Variants in PRR36 observed in about 807,000 individuals in gnomAD.
PRR36 encodes proline rich 36.
In PRR36, 30 loss-of-function variants were observed where a neutral mutation model predicts 58.6. The ratio of observed to expected loss-of-function variants is 0.51; its 90% confidence interval spans 0.38 to 0.69. The LOEUF is 0.69. Among genes scored for constraint, PRR36 ranks in the 30% least tolerant of loss-of-function variants. The probability of loss-of-function intolerance (pLI) is 0.00; values close to 1 mark genes in which losing one functional copy is unlikely to be tolerated. For synonymous variants in PRR36, 771 were observed against 829.3 expected (o/e 0.93, Z 1.21); for missense variants, 1,692 against 1,805.6 (o/e 0.94, Z 1.14).
Position 7,871,405 on chromosome 19 carries a change from G to A in PRR36, c.1839C>T (p.Ala613=), listed in dbSNP as rs1380397420. 3.9e-6 allele frequency: 6 copies of A among 1,535,602 alleles called. No homozygotes were observed. The highest frequency in any genetic ancestry group is 5.2e-6 in the Non-Finnish European group (6 of 1,146,814). The change falls in exon 5 of 6, where the codon GCC becomes GCT. Residue 613 remains alanine (A), a synonymous_variant. Coordinates refer to ENST00000618550, the MANE Select transcript of PRR36 (RefSeq NM_001190467.2). Reference sequence around the variant, plus strand: ...GAGTGGGTGAGCCCAAAGAAGTTGTGGCCTGCAGAGAGGACAAAGCCAGAG... The same window carrying A: ...GAGTGGGTGAGCCCAAAGAAGTTGTAGCCTGCAGAGAGGACAAAGCCAGAG... ...PSPLALSSLQ[A]TTSLGSPTLQ... is the part of the protein sequence containing the mutation.
Position 7,869,032 on chromosome 19 carries a change from C to A in PRR36, c.*1G>T. Reference sequence around the variant, plus strand: ...TGTAGCAGGCGGGGCTGTGGTCTGGCTCAGTGGAAGGTCTCCACCTCCACC... The same window carrying A: ...TGTAGCAGGCGGGGCTGTGGTCTGGATCAGTGGAAGGTCTCCACCTCCACC... On this transcript the variant is annotated 3_prime_UTR_variant, in exon 6 of 6. Coordinates refer to ENST00000618550, the MANE Select transcript of PRR36 (RefSeq NM_001190467.2). 6.6e-7 allele frequency: 1 copy of A among 1,513,086 alleles called. No individual in the cohort carries two copies. Among genetic ancestry groups the A allele is most frequent in the South Asian group, 1.2e-5 (1 of 81,384 alleles). The allele number at this position is 1,513,086 out of a possible 1,614,324, so 93.7% of individuals were successfully genotyped here.
rs1599586768 is a variant in PRR36 at position 7,869,051 on chromosome 19, C to T, written c.4023G>A (p.Glu1341=). The change falls in exon 6 of 6, where the codon GAG becomes GAA. Residue 1341 remains glutamate, a synonymous_variant. Transcript: ENST00000618550. ...GTCTGGCTCAGTGGAAGGTCTCCAC[C>T]TCCACCACGGTCCAGTCACCCTGCG... The part of the protein sequence containing the change: ...ASPQGDWTVV[E]VETFH The T allele has an allele frequency of 6.5e-7, 1 of 1,530,724 alleles. No individual in the cohort carries two copies. The highest frequency in any genetic ancestry group is 8.7e-7 in the Non-Finnish European group (1 of 1,144,514). 94.8% of individuals were successfully genotyped at this position (1,530,724 alleles called of 1,614,324 possible). A position where few individuals can be genotyped will look rare whatever the true frequency, so the allele number is the denominator to read the frequency against.
In PRR36 at chr19:7,872,608, G is replaced by A. The variant is rs1014973780; in HGVS notation, c.636C>T (p.Ala212=). The change falls in exon 5 of 6, where the codon GCC becomes GCT. Residue 212 remains alanine (A), a synonymous_variant. Transcript: ENST00000618550. The surrounding 1 kb of genome is among the most constrained non-coding windows in gnomAD (Gnocchi z 6.1). ...TEGPRKSVSS[A]SEHSTTEPSP... is the part of the protein sequence containing the mutation. ...TTGGCTCGGTGGTACTGTGCTCCGAGGCGCTGCTCACTGATTTCCGGGGGC... is the reference window on the plus strand; with the variant it reads ...TTGGCTCGGTGGTACTGTGCTCCGAAGCGCTGCTCACTGATTTCCGGGGGC... 53 of 1,507,682 alleles carry A rather than the reference G, an allele frequency of 3.5e-5. No individual in the cohort carries two copies. In the African/African-American group the frequency reaches 6.4e-4, roughly 18 times the overall value. The allele number at this position is 1,507,682 out of a possible 1,614,324, so 93.4% of individuals were successfully genotyped here.
At position 7,870,035 on chromosome 19, in the gene PRR36, G is replaced by C; in HGVS notation, c.3209C>G (p.Ala1070Gly). ...GCGTGGGGCCTGCAGGGTGGGTGAG[G>C]CAGGGGGAGAGGGAGGGACCTGCAG... ...PLLQVPPSPP[A>G]SPTLQAPRRP... is the part of the protein sequence containing the mutation. The change falls in exon 5 of 6, where the codon GCC becomes GGC. Residue 1070 changes from alanine to glycine, a missense_variant. By Grantham distance (60) the Ala-to-Gly change is moderately conservative. Transcript: ENST00000618550. 1 of 1,455,312 alleles carries C rather than the reference G, an allele frequency of 6.9e-7. No individual in the cohort carries two copies. Among genetic ancestry groups the C allele is most frequent in the East Asian group, 2.7e-5 (1 of 36,560 alleles). The allele number at this position is 1,455,312 out of a possible 1,614,324, so 90.1% of individuals were successfully genotyped here.
rs915400643 is a variant in PRR36, at chr19:7,872,711, C to T, written c.533G>A (p.Arg178His). 1.7e-5 allele frequency: 24 copies of T among 1,445,018 alleles called. No homozygotes were observed. In the African/African-American group the frequency reaches 3.3e-4, roughly 20 times the overall value. The allele number at this position is 1,445,018 out of a possible 1,614,324, so 89.5% of individuals were successfully genotyped here. A position where few individuals can be genotyped will look rare whatever the true frequency, so the allele number is the denominator to read the frequency against. The change falls in exon 5 of 6, where the codon CGT becomes CAT. Residue 178 changes from arginine (R) to histidine (H), a missense_variant. Coordinates refer to ENST00000618550, the MANE Select transcript of PRR36 (RefSeq NM_001190467.2). The surrounding 1 kb of genome is among the most constrained non-coding windows in gnomAD (Gnocchi z 6.1). ...CTCGGTGCCCGCAGCCCGGGACCGA[C>T]GGGCCATGGCCGGGGACGGGGTTCC... is the stretch of plus-strand genomic sequence containing the variant. ...TPGTPSPAMA[R>H]RSRAAGTEVG...
chr19:7,873,306 G>A lies in PRR36; in HGVS notation c.272-7C>T, dbSNP rs1980551297. 6.5e-7 allele frequency: 1 copy of A among 1,531,410 alleles called. No homozygotes were observed. Among genetic ancestry groups the A allele is most frequent in the South Asian group, 1.2e-5 (1 of 83,512 alleles). 94.9% of individuals were successfully genotyped at this position (1,531,410 alleles called of 1,614,324 possible). On this transcript the variant is annotated splice_region_variant and splice_polypyrimidine_tract_variant and intron_variant, in intron 2 of 5. Coordinates refer to ENST00000618550, the MANE Select transcript of PRR36 (RefSeq NM_001190467.2). This position sits in a 1 kb window ranked among gnomAD's most constrained non-coding sequence, Gnocchi z 5.0. Reference sequence around the variant, plus strand: ...GAGGCTGGGGGCCTGGAGGCTGCGGGGAGAAGGCCGAGTCACAGGTGCCCC... The same window carrying A: ...GAGGCTGGGGGCCTGGAGGCTGCGGAGAGAAGGCCGAGTCACAGGTGCCCC...
Position 7,872,627 on chromosome 19 carries a change from CG to C in PRR36, c.616del (p.Arg206GlyfsTer4). 4 of 1,491,494 alleles carry C rather than the reference CG, an allele frequency of 2.7e-6. No homozygotes were observed. Among genetic ancestry groups the C allele is most frequent in the Non-Finnish European group, 3.6e-6 (4 of 1,126,640 alleles). 92.4% of individuals were successfully genotyped at this position (1,491,494 alleles called of 1,614,324 possible). On this transcript the variant is annotated frameshift_variant, in exon 5 of 6. Transcript: ENST00000618550. LOFTEE classifies it high-confidence loss of function. The surrounding 1 kb of genome is among the most constrained non-coding windows in gnomAD (Gnocchi z 6.1). ...CTCCGAGGCGCTGCTCACTGATTTC[CG>C]GGGGCCCTCTGTCGGGGGCCGTGGC... Reference protein sequence around the residue: ...ARPRPPTEGPRKSVSSASEHS... With the variant: ...ARPRPPTEGPXKSVSSASEHS...
At position 7,872,015 on chromosome 19, in the gene PRR36, C is replaced by T; in HGVS notation, c.1229G>A (p.Gly410Asp). The change falls in exon 5 of 6, where the codon GGC (glycine) becomes GAC (aspartate). Residue 410 changes from glycine (G) to aspartate (D), a missense_variant. Transcript: ENST00000618550. This position sits in a 1 kb window ranked among gnomAD's most constrained non-coding sequence, Gnocchi z 6.1. ...AGCGGCTGTGGCCAGGGAAGAGACGCCTGCTTCTGGAAAGGACATAATCAG... is the reference window on the plus strand; with the variant it reads ...AGCGGCTGTGGCCAGGGAAGAGACGTCTGCTTCTGGAAAGGACATAATCAG... Reference protein sequence around the residue: ...TQLIMSFPEAGVSSLATAAFV... With the variant: ...TQLIMSFPEADVSSLATAAFV... 3 of 1,535,088 alleles carry T rather than the reference C, an allele frequency of 2.0e-6. No homozygotes were observed. The highest frequency in any genetic ancestry group is 2.6e-6 in the Non-Finnish European group (3 of 1,146,690).
chr19:7,869,581 T>A (rs1467075200), intron 5 of PRR36, 37 bp from the exon 6 acceptor site: 1 of 1,508,420 alleles, frequency 6.6e-7, no homozygotes, highest in African/African-American at 1.4e-5. Flanking sequence ...GTGGGGGTGA[T>A]AAGCCCCGCC....
chr19:7,869,342 C>T lies in PRR36; in HGVS notation c.3732G>A (p.Leu1244=). 2 of 1,427,376 alleles carry T rather than the reference C, an allele frequency of 1.4e-6. No homozygotes were observed. Among genetic ancestry groups the T allele is most frequent in the Non-Finnish European group, 9.1e-7 (1 of 1,099,552 alleles). The allele number at this position is 1,427,376 out of a possible 1,614,324, so 88.4% of individuals were successfully genotyped here. Residue 1244 remains leucine (L), a synonymous_variant, in exon 6 of 6, where the codon CTG becomes CTA. Coordinates refer to ENST00000618550, the MANE Select transcript of PRR36 (RefSeq NM_001190467.2). ...GCAGCGCCCCCAGTGGCAGCTCGCCCAGGCGCGCCTGCTTCGGGCTCCGCG... is the reference window on the plus strand; with the variant it reads ...GCAGCGCCCCCAGTGGCAGCTCGCCTAGGCGCGCCTGCTTCGGGCTCCGCG... ...ASSRSPKQAR[L]GELPLGALQA... is the part of the protein sequence containing the mutation.
chr19:7,871,488 G>C lies in PRR36; in HGVS notation c.1756C>G (p.Pro586Ala). The C allele has an allele frequency of 6.5e-7, 1 of 1,535,584 alleles. No homozygotes were observed. The highest frequency in any genetic ancestry group is 8.7e-7 in the Non-Finnish European group (1 of 1,146,718). ...AGAGAATGTGGGACCTGTATTGGGG[G>C]AATGGTCTGGAGAGAGGGCGGGGCC... The part of the protein sequence containing the change: ...MQAPPSLQTI[P>A]PIQVPHSLTS... The change falls in exon 5 of 6, where the codon CCC becomes GCC. Residue 586 changes from proline (P) to alanine (A), a missense_variant. Coordinates refer to ENST00000618550, the MANE Select transcript of PRR36 (RefSeq NM_001190467.2).
rs1457892680 is a variant in PRR36 at position 7,872,932 on chromosome 19, C to T, written c.404G>A (p.Arg135Gln). The T allele has an allele frequency of 2.0e-6, 3 of 1,535,938 alleles. No homozygotes were observed. The highest frequency in any genetic ancestry group is 1.4e-5 in the African/African-American group (1 of 73,046). ...RPGPLGQKGL[R>Q]ISAEETVARG... ...GGCCACAGTTTCCTCCGCTGAGATC[C>T]GGAGTCCCTTCTGGCCAAGAGGGCC... The change falls in exon 4 of 6, where the codon CGG (arginine) becomes CAG (glutamine). Residue 135 changes from arginine (R) to glutamine (Q), a missense_variant. Arg to Gln is a conservative substitution (Grantham distance 43). This residue lies in a region of PRR36 where 975 missense variants were observed against 955.2 expected (regional missense o/e 1.02). Coordinates refer to ENST00000618550, the MANE Select transcript of PRR36 (RefSeq NM_001190467.2). The surrounding 1 kb of genome is among the most constrained non-coding windows in gnomAD (Gnocchi z 6.1).
chr19:7,873,469 G>A lies in PRR36; in HGVS notation c.221C>T (p.Ala74Val). 6.5e-7 allele frequency: 1 copy of A among 1,535,170 alleles called. No individual in the cohort carries two copies. Among genetic ancestry groups the A allele is most frequent in the Non-Finnish European group, 8.7e-7 (1 of 1,146,668 alleles). ...ACTCCGCGTTGGTCCCGCTCGGGGA[G>A]CAGACTCGGGAATAGTGGCCCCGCC... ...GIGGATIPES[A>V]PRAGPTRSAG... Residue 74 changes from alanine to valine, a missense_variant, in exon 2 of 6, where the codon GCT becomes GTT. Coordinates refer to ENST00000618550, the MANE Select transcript of PRR36 (RefSeq NM_001190467.2). This position sits in a 1 kb window ranked among gnomAD's most constrained non-coding sequence, Gnocchi z 5.0.
Position 7,872,107 on chromosome 19 carries a change from A to G in PRR36, c.1137T>C (p.Ala379=). 6.5e-7 allele frequency: 1 copy of G among 1,527,386 alleles called. No individual in the cohort carries two copies. The allele number at this position is 1,527,386 out of a possible 1,614,324, so 94.6% of individuals were successfully genotyped here. ...PLPLAPPSPS[A]PPSLQTLPSP... ...AGGGGAGGGTCTGCAGAGAAGGTGG[A>G]GCAGAGGGAGAAGGAGGGGCTAGAG... Residue 379 remains alanine (A), a synonymous_variant, in exon 5 of 6, where the codon GCT becomes GCC. Transcript: ENST00000618550. The surrounding 1 kb of genome is among the most constrained non-coding windows in gnomAD (Gnocchi z 6.1).
chr19:7,874,086 C>A lies in PRR36; in HGVS notation c.-8+200G>T, dbSNP rs1363685418. Reference sequence around the variant, plus strand: ...ATGTCGCATCCCTCCAGACCCGGAGCGCACGCCCGGGTCTCCCCGCCAGCC... The same window carrying A: ...ATGTCGCATCCCTCCAGACCCGGAGAGCACGCCCGGGTCTCCCCGCCAGCC... On this transcript the variant is annotated intron_variant, in intron 1 of 5. Coordinates refer to ENST00000618550, the MANE Select transcript of PRR36 (RefSeq NM_001190467.2). The surrounding 1 kb of genome is among the most constrained non-coding windows in gnomAD (Gnocchi z 6.0). 4.6e-5 allele frequency among the ~76,000 whole-genome samples: 7 copies of A among 152,116 alleles called. No homozygotes were observed. Among genetic ancestry groups the A allele is most frequent in the Non-Finnish European group, 4.4e-5 (3 of 67,994 alleles).
In PRR36 at chr19:7,872,209, G is replaced by T; in HGVS notation, c.1035C>A (p.Leu345=). The part of the protein sequence containing the change: ...PPVTPPPPAA[L]QSQAPPTLPA... ...GCAGGGTGGGCGGGGCCTGACTTTGGAGAGCGGCTGGCGGAGGGGGCGTTA... is the reference window on the plus strand; with the variant it reads ...GCAGGGTGGGCGGGGCCTGACTTTGTAGAGCGGCTGGCGGAGGGGGCGTTA... The change falls in exon 5 of 6, where the codon CTC becomes CTA. Residue 345 remains leucine (L), a synonymous_variant. Transcript: ENST00000618550. The surrounding 1 kb of genome is among the most constrained non-coding windows in gnomAD (Gnocchi z 6.1). 6.9e-7 allele frequency: 1 copy of T among 1,450,994 alleles called. No homozygotes were observed. Among genetic ancestry groups the T allele is most frequent in the Non-Finnish European group, 9.0e-7 (1 of 1,106,762 alleles). 89.9% of individuals were successfully genotyped at this position (1,450,994 alleles called of 1,614,324 possible). A position where few individuals can be genotyped will look rare whatever the true frequency, so the allele number is the denominator to read the frequency against.
In PRR36 at chr19:7,870,528, G is replaced by A; in HGVS notation, c.2716C>T (p.Pro906Ser). The A allele has an allele frequency of 2.8e-6, 2 of 711,632 alleles. No individual in the cohort carries two copies. The highest frequency in any genetic ancestry group is 3.7e-6 in the Non-Finnish European group (2 of 541,970). 44.1% of individuals were successfully genotyped at this position (711,632 alleles called of 1,614,324 possible). The stretch of plus-strand genomic sequence containing the variant: ...GGGGGCGTGGCCGAAGGAGACACTG[G>A]GGGTGAGGCAGGGGGAGAGAAAGGG... ...QAPFSPPASPPVSPSATPPSQ... is the reference protein window; with the variant it reads ...QAPFSPPASPSVSPSATPPSQ... Residue 906 changes from proline to serine, a missense_variant, in exon 5 of 6, where the codon CCA becomes TCA. Transcript: ENST00000618550.
Position 7,871,994 on chromosome 19 carries a change from G to A in PRR36, c.1250C>T (p.Ala417Val), listed in dbSNP as rs1415484657. 5.2e-6 allele frequency: 8 copies of A among 1,535,916 alleles called. No homozygotes were observed. The highest frequency in any genetic ancestry group is 7.0e-6 in the Non-Finnish European group (8 of 1,146,872). ...TGGAGAGACTGAAGCCACAAAAGCGGCTGTGGCCAGGGAAGAGACGCCTGC... is the reference window on the plus strand; with the variant it reads ...TGGAGAGACTGAAGCCACAAAAGCGACTGTGGCCAGGGAAGAGACGCCTGC... ...PEAGVSSLATAAFVASVSPSV... is the reference protein window; with the variant it reads ...PEAGVSSLATVAFVASVSPSV... Residue 417 changes from alanine (A) to valine (V), a missense_variant, in exon 5 of 6, where the codon GCC becomes GTC. This residue lies in a region of PRR36 where 975 missense variants were observed against 955.2 expected (regional missense o/e 1.02). Transcript: ENST00000618550.
rs1223655461 is a variant in PRR36, at chr19:7,871,666, CAGAAG to C, written c.1573_1577del (p.Leu525GlyfsTer108). 6.5e-7 allele frequency: 1 copy of C among 1,535,816 alleles called. No homozygotes were observed. Among genetic ancestry groups the C allele is most frequent in the African/African-American group, 1.4e-5 (1 of 72,962 alleles). On this transcript the variant is annotated frameshift_variant, in exon 5 of 6. Transcript: ENST00000618550. LOFTEE classifies it high-confidence loss of function. ...GAGAGGCCTGCAGAGGCAATGTGGCCAGAAGAGGAGAGTCCTGCAGAGGAAGAGTG... is the reference window on the plus strand; with the variant it reads ...GAGAGGCCTGCAGAGGCAATGTGGCCAGGAGAGTCCTGCAGAGGAAGAGTG...
Sources: allele counts gnomAD v4.1 joint callset (sites outside exome capture counted in the v4.1 genomes callset), GRCh38; gene constraint gnomAD v4.1.1; regional missense constraint gnomAD v4.1.1; non-coding constraint Gnocchi (gnomAD v3.1); transcripts MANE v1.5; gene names NCBI Gene and HGNC (gene_info 2026-07-23, HGNC 2026-07-21).